The following ARMC9 variants were observed in gnomAD, a reference collection of about 807,000 sequenced individuals.
ARMC9 encodes the protein lisH domain-containing protein ARMC9.
A neutral mutation model predicts 107.0 loss-of-function variants in ARMC9; 94 were observed. The ratio of observed to expected loss-of-function variants is 0.88; its 90% CI spans 0.74 to 1.04. ARMC9 has a LOEUF of 1.04. Among genes scored for constraint, ARMC9 ranks in the 50% least tolerant of loss-of-function variants. The pLI, the probability that ARMC9 is intolerant of heterozygous loss-of-function variation, is 0.00. For synonymous variants in ARMC9, 380 were observed against 396.9 expected, an observed-to-expected ratio of 0.96 and a Z score of 0.51; for missense variants, 942 against 1,030.1, an observed-to-expected ratio of 0.91 and a Z score of 1.17.
At chr2:231,324,123 CTTTTTTTTT>C (rs71296842) in intron 19 of ARMC9, among the ~76,000 whole-genome samples, 1 of 89,272 alleles carries the variant, frequency 1.1e-5, no homozygotes, top group African/African-American at 4.6e-5. Context: ...TTGTAAAGTA[CTTTTTTTTT>C]TTTTTTTTTT....
intron 19 of ARMC9, among the ~76,000 whole-genome samples, chr2:231,300,052 C>T (rs1446504963): frequency 2.0e-5 from 3 of 152,172 alleles, no homozygotes; most frequent in South Asian, 2.1e-4. Flanking sequence ...AGCCTGGTTC[C>T]GTTGTTCTCA....
intron 1 of ARMC9, among the ~76,000 whole-genome samples, chr2:231,199,458 A>G (rs2030383034): frequency 6.6e-6 from 1 of 152,156 alleles, no homozygotes; most frequent in Non-Finnish European, 1.5e-5. Flanking sequence ...TTTGGGAAAT[A>G]CTGTGTAGTG....
intron 21 of ARMC9, among the ~76,000 whole-genome samples, chr2:231,346,191 A>G (rs897604415): frequency 6.6e-6 from 1 of 152,180 alleles, no homozygotes; most frequent in African/African-American, 2.4e-5. Context: ...TAAACTTACA[A>G]TCAGTGTTTT....
In ARMC9 at chr2:231,259,009, A is replaced by G. The variant is rs2038095936; in HGVS notation, c.933A>G (p.Pro311=). The change falls in exon 11 of 25, where the codon CCA becomes CCG. Residue 311 remains proline, a synonymous_variant. Transcript: ENST00000611582. Reference sequence around the variant, plus strand: ...TGAGTAGGAAATTGAAGGATGTCCCATTACTGCCCTCCTTGGATTATGAGA... The same window carrying G: ...TGAGTAGGAAATTGAAGGATGTCCCGTTACTGCCCTCCTTGGATTATGAGA... The part of the protein sequence containing the change: ...SLAPVKLKDV[P]LLPSLDYEKL... The G allele has an allele frequency of 1.9e-6, 3 of 1,613,760 alleles. No homozygotes were observed. Among genetic ancestry groups the G allele is most frequent in the Non-Finnish European group, 2.5e-6 (3 of 1,179,672 alleles).
At chr2:231,204,078 G>A (rs2031562950) in intron 1 of ARMC9, among the ~76,000 whole-genome samples, 1 of 151,814 alleles carries the variant, frequency 6.6e-6, no homozygotes, top group African/African-American at 2.4e-5. Flanking sequence ...GGAGGCTGAG[G>A]TGGGAGGACT....
intron 19 of ARMC9, among the ~76,000 whole-genome samples, chr2:231,296,868 C>T (rs1233401291): frequency 6.6e-6 from 1 of 152,164 alleles, no homozygotes. Context: ...ACATGGTTTT[C>T]CTTCAGATAC....
At chr2:231,334,404 A>C (rs959980046) in intron 20 of ARMC9, among the ~76,000 whole-genome samples, 1 of 152,218 alleles carries the variant, frequency 6.6e-6, no homozygotes, top group Non-Finnish European at 1.5e-5. Context: ...TGTGGCTGCA[A>C]CATGCCAATC....
At chr2:231,215,972 T>A (rs150921351) in intron 4 of ARMC9, among the ~76,000 whole-genome samples, 13 of 152,336 alleles carry the variant, frequency 8.5e-5, no homozygotes, top group African/African-American at 3.1e-4. Flanking sequence ...TTAGTCTATG[T>A]ACGAGACTGT....
chr2:231,350,397 A>G (rs752175633), intron 21 of ARMC9, among the ~76,000 whole-genome samples: 6 of 152,102 alleles, frequency 3.9e-5, no homozygotes, highest in Admixed American at 2.6e-4. Context: ...GAAGACAGCC[A>G]TCCTGTGTGC....
rs1013210249 is a variant in ARMC9, at chr2:231,222,781, A to G, written c.558A>G (p.Ile186Met). ...KLKLIKFLAL[I>M]SKASNTPKLL... is the part of the protein sequence containing the mutation. ...AGTTGATAAAGTTTCTAGCTTTAATATCTAAAGCCAGCAACACGCCAAAGC... is the reference window on the plus strand; with the variant it reads ...AGTTGATAAAGTTTCTAGCTTTAATGTCTAAAGCCAGCAACACGCCAAAGC... Residue 186 changes from isoleucine (I) to methionine (M), a missense_variant, in exon 6 of 25, where the codon ATA becomes ATG. By Grantham distance (10) the Ile-to-Met change is conservative. Transcript: ENST00000611582. The G allele has an allele frequency of 6.3e-7, 1 of 1,595,082 alleles. No individual in the cohort carries two copies. The highest frequency in any genetic ancestry group is 1.7e-5 in the Admixed American group (1 of 59,582).
intron 10 of ARMC9, among the ~76,000 whole-genome samples, chr2:231,257,885 A>G (rs1020492424): frequency 2.6e-5 from 4 of 152,178 alleles, no homozygotes; most frequent in Admixed American, 2.6e-4. Flanking sequence ...TCTTTTCTAC[A>G]ATAAAACAAC....
At chr2:231,342,769 C>T (rs979443679) in intron 20 of ARMC9, among the ~76,000 whole-genome samples, 7 of 152,126 alleles carry the variant, frequency 4.6e-5, no homozygotes, top group African/African-American at 7.2e-5. Flanking sequence ...GAAAAGGCGA[C>T]GCAACTGCAT....
chr2:231,338,778 A>G (rs549584852), intron 20 of ARMC9, among the ~76,000 whole-genome samples: 25 of 152,188 alleles, frequency 1.6e-4, no homozygotes, highest in Non-Finnish European at 3.2e-4. Flanking sequence ...TTTTCTTCAT[A>G]TATCTTCTGT....
chr2:231,349,759 T>C (rs1373587121), intron 21 of ARMC9, among the ~76,000 whole-genome samples: 1 of 151,138 alleles, frequency 6.6e-6, no homozygotes, highest in Non-Finnish European at 1.5e-5. Context: ...CCAGCCTAGG[T>C]AACAGAGTGA....
intron 19 of ARMC9, 118 bp downstream of exon 19, chr2:231,296,371 C>G: frequency 6.4e-6 from 6 of 930,366 alleles, no homozygotes; most frequent in Non-Finnish European, 9.8e-6. Context: ...CTATTTCTCA[C>G]AATTCTGAGG....
intron 13 of ARMC9, among the ~76,000 whole-genome samples, chr2:231,271,595 T>C (rs1456809972): frequency 1.3e-5 from 2 of 152,230 alleles, no homozygotes; most frequent in Non-Finnish European, 2.9e-5. Context: ...TAAGTTCTTA[T>C]TTATTTGAGC....
intron 19 of ARMC9, among the ~76,000 whole-genome samples, chr2:231,322,307 A>G (rs1458298732): frequency 6.6e-6 from 1 of 152,210 alleles, no homozygotes; most frequent in African/African-American, 2.4e-5. Context: ...ACCTCAGTCC[A>G]CCCTCGCTCT....
chr2:231,230,616 C>T (rs1015771786), intron 7 of ARMC9, among the ~76,000 whole-genome samples: 1 of 152,136 alleles, frequency 6.6e-6, no homozygotes, highest in African/African-American at 2.4e-5. Flanking sequence ...TCAGTATCTA[C>T]AAGGATTGCT....
At chr2:231,233,567 G>A (rs1334804919) in intron 7 of ARMC9, among the ~76,000 whole-genome samples, 7 of 151,958 alleles carry the variant, frequency 4.6e-5, no homozygotes, top group African/African-American at 7.3e-5. Flanking sequence ...ACCTGAGGTC[G>A]GGAGTTCAAG....
Sources: allele counts gnomAD v4.1 joint callset (sites outside exome capture counted in the v4.1 genomes callset), GRCh38; gene constraint gnomAD v4.1.1; transcripts MANE v1.5; gene names NCBI Gene and HGNC (gene_info 2026-07-23, HGNC 2026-07-21).